Variants in ADGRF1 observed in about 807,000 individuals in gnomAD.
The protein encoded by ADGRF1 is G protein-coupled receptor 110.
Under a neutral mutation model 87.2 loss-of-function variants are expected in ADGRF1, and 85 were observed. The ratio of observed to expected loss-of-function variants is 0.97; its 90% confidence interval spans 0.82 to 1.17. The LOEUF (loss-of-function observed/expected upper bound fraction) is 1.17, where lower values mean the gene tolerates loss of function less well. Ranked by LOEUF, ADGRF1 falls within the 50% of genes most tolerant of loss-of-function variation. The pLI, the probability that ADGRF1 is intolerant of heterozygous loss-of-function variation, is 0.00. For missense variants in ADGRF1, 1,169 were observed against 1,077.2 expected, an observed-to-expected ratio of 1.09 and a Z score of -1.19; for synonymous variants, 430 against 408.8, an observed-to-expected ratio of 1.05 and a Z score of -0.63.
intron 7 of ADGRF1, chr6:47,017,776 A>G (rs958013694): frequency 5.9e-5 from 9 of 152,334 alleles, no homozygotes; most frequent in African/African-American, 2.2e-4. Flanking sequence ...AAATCATACA[A>G]GTGGTTGCTT....
chr6:47,038,425 T>C (rs1212433568), intron 1 of ADGRF1, among the ~76,000 whole-genome samples: 1 of 152,244 alleles, frequency 6.6e-6, no homozygotes, highest in Non-Finnish European at 1.5e-5. Context: ...ACCTTGATAA[T>C]TCTTTATCAA....
chr6:47,028,907 C>G, intron 2 of ADGRF1, 86 bp downstream of exon 2: 1 of 995,174 alleles, frequency 1.0e-6, no homozygotes, highest in Non-Finnish European at 1.6e-6. Flanking sequence ...CAGTTGCAGT[C>G]CCCTAGAGAG....
intron 1 of ADGRF1, among the ~76,000 whole-genome samples, chr6:47,039,699 C>A (rs573467459): frequency 6.6e-6 from 1 of 152,218 alleles, no homozygotes; most frequent in Non-Finnish European, 1.5e-5. Context: ...TGGTGGCTCA[C>A]GCCTGTAATC....
chr6:47,039,816 G>GC (rs889436577), intron 1 of ADGRF1, among the ~76,000 whole-genome samples: 1 of 152,040 alleles, frequency 6.6e-6, no homozygotes, highest in African/African-American at 2.4e-5. Context: ...ACAAAAATTA[G>GC]CCAGGCGTAG....
intron 1 of ADGRF1, 80 bp downstream of exon 1, chr6:47,042,111 A>C (rs1009190025): frequency 1.3e-5 from 2 of 152,182 alleles, no homozygotes; most frequent in Non-Finnish European, 2.9e-5. Flanking sequence ...AAGGAGAGAA[A>C]AAATAATCTC....
intron 6 of ADGRF1, 74 bp from the exon 7 acceptor site, chr6:47,020,863 A>T (rs894806353): frequency 2.7e-6 from 3 of 1,114,114 alleles, no homozygotes; most frequent in African/African-American, 3.1e-5. Context: ...GCAAAAATTG[A>T]TACAGACAAT....
chr6:47,027,727 ATGAGTTCTTTTTTTGTTT>A lies in ADGRF1; in HGVS notation c.86_103del (p.Lys29_Leu34del). On this transcript the variant is annotated inframe_deletion, in exon 3 of 15. Coordinates refer to ENST00000371253, the MANE Select transcript of ADGRF1 (RefSeq NM_153840.4). ...ACCTAGATGTTTTTTCTTATTCACA[ATGAGTTCTTTTTTTGTTT>A]TGATGCCATCATTTTTCTGTTAAAA... 1 of 1,604,102 alleles carries A rather than the reference ATGAGTTCTTTTTTTGTTT, an allele frequency of 6.2e-7. No individual in the cohort carries two copies. Among genetic ancestry groups the A allele is most frequent in the Non-Finnish European group, 8.5e-7 (1 of 1,171,230 alleles).
chr6:47,009,430 G>T lies in ADGRF1; in HGVS notation c.2005C>A (p.Leu669Ile). ...AAVFFTHFFY[L>I]SLFFWMLMLG... Reference sequence around the variant, plus strand: ...ATGAGCATCCAGAAGAACAAAGAGAGGTAGAAGAAGTGTGTAAAGAACACA... The same window carrying T: ...ATGAGCATCCAGAAGAACAAAGAGATGTAGAAGAAGTGTGTAAAGAACACA... The change falls in exon 11 of 15, where the codon CTC (leucine) becomes ATC (isoleucine). Residue 669 changes from leucine to isoleucine, a missense_variant. Physicochemically the swap from Leu to Ile is conservative, Grantham distance 5 (BLOSUM62 2). Transcript: ENST00000371253. 3 of 1,613,918 alleles carry T rather than the reference G, an allele frequency of 1.9e-6. No individual in the cohort carries two copies. Among genetic ancestry groups the T allele is most frequent in the Non-Finnish European group, 2.5e-6 (3 of 1,179,964 alleles).
In ADGRF1 at chr6:47,031,463, C is replaced by G. The variant is rs532150205; in HGVS notation, c.-43-2359G>C. Among the ~76,000 whole-genome samples, 9 of 152,056 alleles carry G rather than the reference C, an allele frequency of 5.9e-5. No homozygotes were observed. The South Asian group carries it at 1.9e-3, about 32-fold the overall frequency. On this transcript the variant is annotated intron_variant, in intron 1 of 14. Coordinates refer to ENST00000371253, the MANE Select transcript of ADGRF1 (RefSeq NM_153840.4). ...AGCTTGAGAAAGCCTGAGGACAGCTCTGGGCATTGTGGGAAAGCCTTCTCT... is the reference window on the plus strand; with the variant it reads ...AGCTTGAGAAAGCCTGAGGACAGCTGTGGGCATTGTGGGAAAGCCTTCTCT...
Position 47,009,933 on chromosome 6 carries a change from A to T in ADGRF1, c.1502T>A (p.Val501Asp), listed in dbSNP as rs926280442. The change falls in exon 11 of 15, where the codon GTC (valine) becomes GAC (aspartate). Residue 501 changes from valine to aspartate, a missense_variant. Coordinates refer to ENST00000371253, the MANE Select transcript of ADGRF1 (RefSeq NM_153840.4). Reference sequence around the variant, plus strand: ...AACCGTGGATATCACAGGTCCATTGACCTGAGCATTTCCATTTTTGGAAAC... The same window carrying T: ...AACCGTGGATATCACAGGTCCATTGTCCTGAGCATTTCCATTTTTGGAAAC... ...LPVSKNGNAQ[V>D]NGPVISTVIQ... The T allele has an allele frequency of 1.9e-6, 3 of 1,614,146 alleles. No homozygotes were observed. Among genetic ancestry groups the T allele is most frequent in the Admixed American group, 3.3e-5 (2 of 60,024 alleles).
At chr6:47,036,874 T>C (rs1780603042) in intron 1 of ADGRF1, among the ~76,000 whole-genome samples, 1 of 152,178 alleles carries the variant, frequency 6.6e-6, no homozygotes, top group African/African-American at 2.4e-5. Context: ...TTCTACACCA[T>C]ACAGAATGAA....
At chr6:47,020,445 A>G in intron 7 of ADGRF1, 1 of 1,161,684 alleles carries the variant, frequency 8.6e-7, no homozygotes, top group Non-Finnish European at 1.2e-6. Context: ...GCAGGGTTGC[A>G]GTGAGCCTAG....
At chr6:47,021,122 G>A (rs980205885) in intron 6 of ADGRF1, among the ~76,000 whole-genome samples, 2 of 152,044 alleles carry the variant, frequency 1.3e-5, no homozygotes, top group African/African-American at 2.4e-5. Context: ...TTTTCCTTAT[G>A]AAAAACAAGC....
chr6:47,039,613 G>T (rs2113914508), intron 1 of ADGRF1, among the ~76,000 whole-genome samples: 1 of 152,284 alleles, frequency 6.6e-6, no homozygotes, highest in Middle Eastern at 3.4e-3. Context: ...AGACCACGAT[G>T]CTATAGACCT....
Position 47,009,071 on chromosome 6 carries a change from GCGGA to G in ADGRF1, c.2360_2363del (p.Ile787ThrfsTer9). The G allele has an allele frequency of 1.9e-6, 3 of 1,614,034 alleles. No homozygotes were observed. The highest frequency in any genetic ancestry group is 2.5e-6 in the Non-Finnish European group (3 of 1,179,996). On this transcript the variant is annotated frameshift_variant, in exon 11 of 15. Coordinates refer to ENST00000371253, the MANE Select transcript of ADGRF1 (RefSeq NM_153840.4). LOFTEE classifies it high-confidence loss of function. ...TCAGAATGAGGAGGCTCTTCCCCAC[GCGGA>G]TGATGGTGGCCTTGTCATCCCGACT...
chr6:47,034,509 C>G (rs1334821848), intron 1 of ADGRF1, among the ~76,000 whole-genome samples: 1 of 152,216 alleles, frequency 6.6e-6, no homozygotes, highest in Non-Finnish European at 1.5e-5. Flanking sequence ...GGCTCAGTCA[C>G]TCCTCCCCCA....
At chr6:47,030,001 C>T (rs934005592) in intron 1 of ADGRF1, among the ~76,000 whole-genome samples, 1 of 152,198 alleles carries the variant, frequency 6.6e-6, no homozygotes, top group African/African-American at 2.4e-5. Flanking sequence ...AGTTTGATTC[C>T]CAAACTCAAG....
In ADGRF1 at chr6:47,000,053, T is replaced by C. The variant is rs1779318101; in HGVS notation, c.*169A>G. The C allele has an allele frequency of 3.6e-6, 2 of 549,600 alleles. No homozygotes were observed. Among genetic ancestry groups the C allele is most frequent in the Non-Finnish European group, 6.5e-6 (2 of 305,994 alleles). The allele number at this position is 549,600 out of a possible 1,614,324, so 34.0% of individuals were successfully genotyped here. The stretch of plus-strand genomic sequence containing the variant: ...GGAAATAAATCTTCTTTTCATTTAA[T>C]TGAAGACAAAAGGGAGCAGTAATGA... On this transcript the variant is annotated 3_prime_UTR_variant, in exon 15 of 15. Transcript: ENST00000371253.
Position 47,025,917 on chromosome 6 carries a change from A to G in ADGRF1, c.214T>C (p.Leu72=), listed in dbSNP as rs142236306. The G allele has an allele frequency of 4.8e-4, 781 of 1,612,346 alleles. 3 individuals are homozygous for G. In the Admixed American group the frequency reaches 8.4e-3, roughly 17 times the overall value. ...KRDLRNFLKL[L]KPPLLWSHGL... Reference sequence around the variant, plus strand: ...TGTGACCATAATAATGGAGGCTTCAAGAGCTTCAGAAAATTTCTCAAATCT... The same window carrying G: ...TGTGACCATAATAATGGAGGCTTCAGGAGCTTCAGAAAATTTCTCAAATCT... The change falls in exon 4 of 15, where the codon TTG becomes CTG. Residue 72 remains leucine (L), a synonymous_variant. Coordinates refer to ENST00000371253, the MANE Select transcript of ADGRF1 (RefSeq NM_153840.4).
Sources: allele counts gnomAD v4.1 joint callset (sites outside exome capture counted in the v4.1 genomes callset), GRCh38; gene constraint gnomAD v4.1.1; transcripts MANE v1.5; gene names NCBI Gene and HGNC (gene_info 2026-07-23, HGNC 2026-07-21).